FKBP3: variants seen among roughly 807,000 people sequenced by gnomAD.
The protein encoded by FKBP3 is FKBP prolyl isomerase 3, also known as peptidyl-prolyl cis-trans isomerase FKBP3.
In FKBP3, 21 loss-of-function variants were observed where a neutral mutation model predicts 30.6. That is an observed-to-expected ratio of 0.69 (90% CI 0.49 to 0.99). FKBP3 has a LOEUF of 0.99. FKBP3 is among the 50% of genes least tolerant of loss of function. FKBP3 has a pLI of 0.00. For synonymous variants in FKBP3, 82 were observed against 91.3 expected, an observed-to-expected ratio of 0.90 and a Z score of 0.58; for missense variants, 283 against 261.6, an observed-to-expected ratio of 1.08 and a Z score of -0.56.
chr14:45,117,530 T>G (rs942929678), intron 6 of FKBP3, among the ~76,000 whole-genome samples: 1 of 152,178 alleles, frequency 6.6e-6, no homozygotes, highest in Non-Finnish European at 1.5e-5. Context: ...AGTATTGTCA[T>G]TAGTAGTAAT....
At chr14:45,121,093 G>A in intron 4 of FKBP3, 139 bp from the exon 5 acceptor site, 1 of 712,314 alleles carries the variant, frequency 1.4e-6, no homozygotes, top group Non-Finnish European at 2.3e-6. Flanking sequence ...TTTAAAAGAA[G>A]GAAAAAATTT....
At chr14:45,118,215 C>A in intron 5 of FKBP3, 90 bp from the exon 6 acceptor site, 1 of 721,094 alleles carries the variant, frequency 1.4e-6, no homozygotes. Flanking sequence ...TATGTTAAAA[C>A]AAACACAGAA....
intron 1 of FKBP3, among the ~76,000 whole-genome samples, chr14:45,132,704 G>A (rs1409850578): frequency 6.6e-6 from 1 of 151,954 alleles, no homozygotes; most frequent in African/African-American, 2.4e-5. Context: ...GAAAGTGCTA[G>A]GATTACAGGA....
Position 45,121,614 on chromosome 14 carries a change from G to A in FKBP3, c.325C>T (p.Pro109Ser), listed in dbSNP as rs144408338. The A allele has an allele frequency of 6.2e-7, 1 of 1,612,596 alleles. No individual in the cohort carries two copies. The highest frequency in any genetic ancestry group is 8.5e-7 in the Non-Finnish European group (1 of 1,179,396). The change falls in exon 4 of 7, where the codon CCA (proline) becomes TCA (serine). Residue 109 changes from proline (P) to serine (S), a missense_variant. Coordinates refer to ENST00000396062, the MANE Select transcript of FKBP3 (RefSeq NM_002013.4). Reference protein sequence around the residue: ...KSEETLDEGPPKYTKSVLKKG... With the variant: ...KSEETLDEGPSKYTKSVLKKG... The stretch of plus-strand genomic sequence containing the variant: ...TTCAGAACAGATTTAGTATATTTTG[G>A]TGGACCCTAAAAACAAAAAACAACA...
chr14:45,118,086 C>T lies in FKBP3; in HGVS notation c.562G>A (p.Ala188Thr), dbSNP rs777645947. 4.4e-6 allele frequency: 7 copies of T among 1,607,834 alleles called. No individual in the cohort carries two copies. The South Asian group carries it at 5.6e-5, about 13-fold the overall frequency. ...ALLTMSKGEK[A>T]RLEIEPEWAY... ...CATTCTGGTTCAATCTCCAGTCGAG[C>T]CTTTTCTCCTTTACTCATAGTCAAG... The change falls in exon 6 of 7, where the codon GCT becomes ACT. Residue 188 changes from alanine (A) to threonine (T), a missense_variant. Transcript: ENST00000396062.
At chr14:45,128,975 T>G (rs2139086411) in intron 3 of FKBP3, among the ~76,000 whole-genome samples, 1 of 152,354 alleles carries the variant, frequency 6.6e-6, no homozygotes. Flanking sequence ...CTGCTTTGTG[T>G]GCACATATAC....
chr14:45,128,942 A>G (rs1885158430), intron 3 of FKBP3, among the ~76,000 whole-genome samples: 1 of 152,266 alleles, frequency 6.6e-6, no homozygotes, highest in African/African-American at 2.4e-5. Context: ...TTTATTAAAT[A>G]TTAATTGTGA....
chr14:45,133,381 C>A, intron 1 of FKBP3: 1 of 257,948 alleles, frequency 3.9e-6, no homozygotes, highest in Non-Finnish European at 8.5e-6. Context: ...GCAGGAGAAT[C>A]GTTTGAACCC....
chr14:45,124,958 C>A lies in FKBP3; in HGVS notation c.319-3338G>T, dbSNP rs899221063. Among the ~76,000 whole-genome samples the A allele has an allele frequency of 7.2e-5, 11 of 152,112 alleles. No individual in the cohort carries two copies. In the East Asian group the frequency reaches 1.3e-3, roughly 19 times the overall value. ...CTGAGACCGAGTCTCACTCTGTTGC[C>A]CAGGCTGGAGTGCAGTGGTGTGATC... On this transcript the variant is annotated intron_variant, in intron 3 of 6. Coordinates refer to ENST00000396062, the MANE Select transcript of FKBP3 (RefSeq NM_002013.4).
chr14:45,134,241 G>T (rs1419624424), intron 1 of FKBP3, 108 bp downstream of exon 1: 2 of 935,456 alleles, frequency 2.1e-6, no homozygotes, highest in East Asian at 5.2e-5. Flanking sequence ...CACCGGCCGC[G>T]GGAAGACGAG....
Position 45,121,596 on chromosome 14 carries a change from C to T in FKBP3, c.343G>A (p.Val115Ile). 6.2e-7 allele frequency: 1 copy of T among 1,613,594 alleles called. No individual in the cohort carries two copies. Among genetic ancestry groups the T allele is most frequent in the Non-Finnish European group, 8.5e-7 (1 of 1,179,758 alleles). The change falls in exon 4 of 7, where the codon GTT (valine) becomes ATT (isoleucine). Residue 115 changes from valine (V) to isoleucine (I), a missense_variant. Val to Ile is a conservative substitution (Grantham distance 29). Coordinates refer to ENST00000396062, the MANE Select transcript of FKBP3 (RefSeq NM_002013.4). The part of the protein sequence containing the change: ...DEGPPKYTKS[V>I]LKKGDKTNFP... ...TTGGTTTTATCTCCCTTTTTCAGAA[C>T]AGATTTAGTATATTTTGGTGGACCC...
chr14:45,129,913 A>G lies in FKBP3; in HGVS notation c.211-12T>C. ...GTACCCTTAAAACGCTGTAAGGAAA[A>G]TGTTGTAACATCATACCCAGGACAG... On this transcript the variant is annotated splice_polypyrimidine_tract_variant and intron_variant, in intron 2 of 6. Coordinates refer to ENST00000396062, the MANE Select transcript of FKBP3 (RefSeq NM_002013.4). 6.4e-7 allele frequency: 1 copy of G among 1,555,576 alleles called. No homozygotes were observed. Among genetic ancestry groups the G allele is most frequent in the African/African-American group, 1.4e-5 (1 of 73,538 alleles).
chr14:45,129,690 G>A (rs531963345), intron 3 of FKBP3, 104 bp downstream of exon 3: 6 of 637,930 alleles, frequency 9.4e-6, no homozygotes, highest in Admixed American at 6.5e-5. Flanking sequence ...GAAAGTGGTC[G>A]TATTCAACCA....
At chr14:45,118,270 G>T in intron 5 of FKBP3, 145 bp from the exon 6 acceptor site, 1 of 526,572 alleles carries the variant, frequency 1.9e-6, no homozygotes, top group Non-Finnish European at 3.3e-6. Context: ...ATGTACTTCA[G>T]TGAGTCCCTA....
chr14:45,120,666 C>T (rs1884965168), intron 5 of FKBP3, among the ~76,000 whole-genome samples: 1 of 152,174 alleles, frequency 6.6e-6, no homozygotes, highest in African/African-American at 2.4e-5. Context: ...ATTTAATCTT[C>T]TAAAAACCTT....
intron 5 of FKBP3, among the ~76,000 whole-genome samples, chr14:45,120,270 T>C (rs556753989): frequency 6.6e-6 from 1 of 152,364 alleles, no homozygotes; most frequent in African/African-American, 2.4e-5. Flanking sequence ...TTTTATCTTC[T>C]TTTGTACAGT....
At chr14:45,133,820 T>C (rs1416331446) in intron 1 of FKBP3, among the ~76,000 whole-genome samples, 2 of 152,270 alleles carry the variant, frequency 1.3e-5, no homozygotes, top group South Asian at 4.1e-4. Flanking sequence ...GAAAAGGTCA[T>C]TTAAAGGGTC....
chr14:45,122,202 T>C (rs186213306), intron 3 of FKBP3, among the ~76,000 whole-genome samples: 10 of 152,258 alleles, frequency 6.6e-5, no homozygotes, highest in Non-Finnish European at 1.5e-4. Flanking sequence ...AAAGGTTACA[T>C]ATTAATCTAA....
chr14:45,118,158 A>G, intron 5 of FKBP3, 33 bp from the exon 6 acceptor site: 1 of 1,449,516 alleles, frequency 6.9e-7, no homozygotes, highest in Non-Finnish European at 9.5e-7. Context: ...AACTAATGGT[A>G]TTTTGCAAAA....
Sources: allele counts gnomAD v4.1 joint callset (sites outside exome capture counted in the v4.1 genomes callset), GRCh38; gene constraint gnomAD v4.1.1; transcripts MANE v1.5; gene names NCBI Gene and HGNC (gene_info 2026-07-23, HGNC 2026-07-21).